C10orf90: variants seen among roughly 807,000 people sequenced by gnomAD.
The protein encoded by C10orf90 is (E2-independent) E3 ubiquitin-conjugating enzyme FATS.
In C10orf90, 56 loss-of-function variants were observed where a neutral mutation model predicts 62.5. The observed-to-expected ratio is 0.90, with a 90% CI of 0.72 to 1.12. The LOEUF (loss-of-function observed/expected upper bound fraction) is 1.12, where lower values mean the gene tolerates loss of function less well. Among genes scored for constraint, C10orf90 ranks in the 50% most tolerant of loss-of-function variants. The pLI is 0.00. For synonymous variants in C10orf90, 386 were observed against 340.4 expected (o/e 1.13, Z -1.47); for missense variants, 970 against 880.4 (o/e 1.10, Z -1.29).
At position 126,637,008 on chromosome 10, in the gene C10orf90, G is replaced by A. The variant is rs74606191; in HGVS notation, c.313+9557C>T. Among the ~76,000 whole-genome samples, 1,212 of 152,084 alleles carry A rather than the reference G, an allele frequency of 8.0e-3. 20 individuals are homozygous for A. The highest frequency in any genetic ancestry group is 0.027 in the African/African-American group (1,107 of 41,486). On this transcript the variant is annotated intron_variant, in intron 2 of 9. Transcript: ENST00000488181. ...AAGTATTATTTTTCTCTTGGGGGGC[G>A]CTCTTGATATACAACTAACAATTAA...
At chr10:126,606,391 G>A (rs1845312332) in intron 2 of C10orf90, among the ~76,000 whole-genome samples, 1 of 152,130 alleles carries the variant, frequency 6.6e-6, no homozygotes, top group Non-Finnish European at 1.5e-5. Context: ...TCTTACGAGG[G>A]GCTGTTGGGC....
At chr10:126,656,140 T>G (rs1846391652) in intron 1 of C10orf90, among the ~76,000 whole-genome samples, 1 of 152,154 alleles carries the variant, frequency 6.6e-6, no homozygotes, top group Admixed American at 6.5e-5. Flanking sequence ...ATGGAGTGCT[T>G]ACCAAGGGCC....
At chr10:126,651,972 G>C (rs1846300174) in intron 1 of C10orf90, among the ~76,000 whole-genome samples, 1 of 152,228 alleles carries the variant, frequency 6.6e-6, no homozygotes, top group Non-Finnish European at 1.5e-5. Context: ...TTGGACTGAT[G>C]ATTGGTTGGT....
intron 2 of C10orf90, among the ~76,000 whole-genome samples, chr10:126,642,939 A>C (rs567888641): frequency 1.3e-5 from 2 of 152,144 alleles, no homozygotes; most frequent in Non-Finnish European, 2.9e-5. Context: ...ATCCAGGAAC[A>C]TCTTTAACTT....
chr10:126,509,367 T>A (rs1180078525), intron 3 of C10orf90, among the ~76,000 whole-genome samples: 1 of 151,998 alleles, frequency 6.6e-6, no homozygotes, highest in Non-Finnish European at 1.5e-5. Context: ...CAGAAACGAG[T>A]GGATATCTGA....
At chr10:126,653,208 C>A (rs1051505422) in intron 1 of C10orf90, among the ~76,000 whole-genome samples, 3 of 152,286 alleles carry the variant, frequency 2.0e-5, no homozygotes, top group Non-Finnish European at 4.4e-5. Context: ...TAAAATGAGA[C>A]AACAATGAAG....
intron 2 of C10orf90, among the ~76,000 whole-genome samples, chr10:126,527,960 G>C (rs1863993310): frequency 6.6e-6 from 1 of 152,174 alleles, no homozygotes; most frequent in African/African-American, 2.4e-5. Context: ...AATGATGCTA[G>C]TTACTATTAT....
chr10:126,581,865 G>T (rs1844759178), intron 2 of C10orf90, among the ~76,000 whole-genome samples: 1 of 152,216 alleles, frequency 6.6e-6, no homozygotes, highest in Admixed American at 6.5e-5. Flanking sequence ...GATTCGGACA[G>T]GTGCTGTGGA....
chr10:126,426,431 G>T (rs1487073637), intron 8 of C10orf90, among the ~76,000 whole-genome samples: 2 of 152,172 alleles, frequency 1.3e-5, no homozygotes, highest in Non-Finnish European at 2.9e-5. Context: ...TAAAATGAAG[G>T]ATTCTAAACC....
chr10:126,490,080 A>AT (rs1861674835), intron 4 of C10orf90, among the ~76,000 whole-genome samples: 1 of 122,628 alleles, frequency 8.2e-6, no homozygotes. Context: ...TATATAATAT[A>AT]ATAATAATAT....
chr10:126,521,580 G>T lies in C10orf90; in HGVS notation c.314-7641C>A, dbSNP rs544024130. 4.2e-6 allele frequency: 3 copies of T among 714,970 alleles called. No individual in the cohort carries two copies. The East Asian group carries it at 1.0e-4, about 24-fold the overall frequency. The allele number at this position is 714,970 out of a possible 1,614,324, so 44.3% of individuals were successfully genotyped here. ...GTGACATTTCTTGTTAGCAGCAATCGTCTCTTTGATGTTTACATTTGAGGC... is the reference window on the plus strand; with the variant it reads ...GTGACATTTCTTGTTAGCAGCAATCTTCTCTTTGATGTTTACATTTGAGGC... On this transcript the variant is annotated intron_variant, in intron 2 of 9. Transcript: ENST00000488181.
intron 2 of C10orf90, among the ~76,000 whole-genome samples, chr10:126,545,940 A>G (rs1009734967): frequency 6.6e-6 from 1 of 152,192 alleles, no homozygotes; most frequent in African/African-American, 2.4e-5. Flanking sequence ...GTATAAAACT[A>G]ACATAAGCAG....
chr10:126,492,572 G>A (rs891820431), intron 4 of C10orf90, among the ~76,000 whole-genome samples: 2 of 152,144 alleles, frequency 1.3e-5, no homozygotes, highest in African/African-American at 4.8e-5. Flanking sequence ...GTTATTTTCA[G>A]CATAAATACA....
intron 7 of C10orf90, among the ~76,000 whole-genome samples, chr10:126,441,875 T>A (rs1590903188): frequency 6.6e-6 from 1 of 152,170 alleles, no homozygotes; most frequent in East Asian, 1.9e-4. Context: ...AAAAGAACTC[T>A]AAAAGTGCTC....
chr10:126,533,992 A>G (rs1864170139), intron 2 of C10orf90, among the ~76,000 whole-genome samples: 1 of 152,122 alleles, frequency 6.6e-6, no homozygotes, highest in Non-Finnish European at 1.5e-5. Context: ...GAGCCGCATT[A>G]GACCAAAGCC....
chr10:126,619,469 A>C (rs1591149676), intron 2 of C10orf90, among the ~76,000 whole-genome samples: 1 of 152,114 alleles, frequency 6.6e-6, no homozygotes, highest in South Asian at 2.1e-4. Flanking sequence ...CGTCTACTTC[A>C]TTTTACCTTC....
chr10:126,637,873 T>C (rs1845983080), intron 2 of C10orf90, among the ~76,000 whole-genome samples: 1 of 152,182 alleles, frequency 6.6e-6, no homozygotes, highest in Admixed American at 6.5e-5. Context: ...GAGCAGGTCA[T>C]TCTGGCTGTA....
rs140640973 is a variant in C10orf90 at position 126,642,510 on chromosome 10, C to T, written c.313+4055G>A. Among the ~76,000 whole-genome samples, 524 of 151,950 alleles carry T rather than the reference C, an allele frequency of 3.4e-3. 1 individual carries two copies. The highest frequency in any genetic ancestry group is 8.6e-3 in the Admixed American group (132 of 15,274). On this transcript the variant is annotated intron_variant, in intron 2 of 9. Transcript: ENST00000488181. ...TCGCGCCACTGCACTCCAGCCTGGG[C>T]GACAGAGCGAGACTCCATCTCAAAA...
chr10:126,548,980 C>CT (rs1475587234), intron 2 of C10orf90, among the ~76,000 whole-genome samples: 4 of 152,102 alleles, frequency 2.6e-5, no homozygotes, highest in African/African-American at 9.7e-5. Flanking sequence ...AAAAATAATC[C>CT]TTGACCTAAA....
Sources: gnomAD v4.1 joint callset for allele counts (sites outside exome capture counted in the v4.1 genomes callset) on GRCh38, gnomAD v4.1.1 for gene constraint, MANE v1.5 for transcripts, NCBI Gene and HGNC (gene_info 2026-07-23, HGNC 2026-07-21) for gene names.